Variants in CELSR1 observed in about 807,000 individuals in gnomAD.
CELSR1 encodes adhesion G protein-coupled receptor C1.
CELSR1 carries 110 observed loss-of-function variants against 249.1 expected under a neutral mutation model. The observed-to-expected ratio is 0.44, with a 90% confidence interval of 0.38 to 0.52. The LOEUF (loss-of-function observed/expected upper bound fraction) is 0.52, where lower values mean the gene tolerates loss of function less well. CELSR1 is among the 20% of genes least tolerant of loss of function. The probability of loss-of-function intolerance (pLI) is 0.00; values close to 1 mark genes in which losing one functional copy is unlikely to be tolerated. For synonymous variants in CELSR1, 2,113 were observed against 1,900.0 expected (o/e 1.11, Z -2.92); for missense variants, 4,109 against 4,296.4 (o/e 0.96, Z 1.22).
chr22:46,487,547 AC>A (rs1339427266), intron 1 of CELSR1, among the ~76,000 whole-genome samples: 32 of 61,956 alleles, frequency 5.2e-4, no homozygotes, highest in South Asian at 1.6e-3. Context: ...AGGGGAGTCC[AC>A]GGTGCAGTGC....
rs1160646850 is a variant in CELSR1, at chr22:46,526,338, G to A, written c.3544+7289C>T. 6.6e-6 allele frequency among the ~76,000 whole-genome samples: 1 copy of A among 152,212 alleles called. No homozygotes were observed. The highest frequency in any genetic ancestry group is 1.5e-5 in the Non-Finnish European group (1 of 68,040). The stretch of plus-strand genomic sequence containing the variant: ...CTGAGACGGGCCAGTGCCACGCTAG[G>A]CTGCAGGACAGCTAGGTGCTGTGCG... On this transcript the variant is annotated intron_variant, in intron 1 of 34. Coordinates refer to ENST00000674500, the MANE Select transcript of CELSR1 (RefSeq NM_001378328.1). The surrounding 1 kb of genome is among the most constrained non-coding windows in gnomAD (Gnocchi z 4.7).
intron 1 of CELSR1, among the ~76,000 whole-genome samples, chr22:46,492,299 T>C (rs1012115162): frequency 6.6e-6 from 1 of 152,218 alleles, no homozygotes; most frequent in Non-Finnish European, 1.5e-5. Flanking sequence ...CTTTAAAATA[T>C]GTCAGCCCTC....
chr22:46,416,575 C>T (rs1193545799), intron 5 of CELSR1, among the ~76,000 whole-genome samples: 1 of 152,218 alleles, frequency 6.6e-6, no homozygotes, highest in Non-Finnish European at 1.5e-5. Context: ...AGCACAGGCT[C>T]CCTGGGGCAG....
chr22:46,391,900 G>A lies in CELSR1; in HGVS notation c.5965-84C>T. ...CAGCGTGTTTCCCGAGCGACGTCCAGACTCCCACCCGGGTGTGTGTGTTGG... is the reference window on the plus strand; with the variant it reads ...CAGCGTGTTTCCCGAGCGACGTCCAAACTCCCACCCGGGTGTGTGTGTTGG... On this transcript the variant is annotated intron_variant, in intron 14 of 34. Coordinates refer to ENST00000674500, the MANE Select transcript of CELSR1 (RefSeq NM_001378328.1). The surrounding 1 kb of genome is among the most constrained non-coding windows in gnomAD (Gnocchi z 4.3). 7.1e-7 allele frequency: 1 copy of A among 1,417,548 alleles called. No individual in the cohort carries two copies. Among genetic ancestry groups the A allele is most frequent in the Non-Finnish European group, 9.6e-7 (1 of 1,045,860 alleles). 87.8% of individuals were successfully genotyped at this position (1,417,548 alleles called of 1,614,324 possible). A position where few individuals can be genotyped will look rare whatever the true frequency, so the allele number is the denominator to read the frequency against.
At chr22:46,477,448 G>A (rs3788708) in intron 1 of CELSR1, among the ~76,000 whole-genome samples, 21,281 of 151,752 alleles carry the variant, frequency 0.14, 1,574 homozygotes, top group Admixed American at 0.22. Flanking sequence ...GGAGTGCCGG[G>A]AACTCCTGTG....
At chr22:46,394,342 G>A (rs2079126458) in intron 13 of CELSR1, 80 bp from the exon 14 acceptor site, 2 of 1,501,384 alleles carry the variant, frequency 1.3e-6, no homozygotes, top group Non-Finnish European at 1.8e-6. Context: ...CAGGCAGCAT[G>A]GAGATGGTTG....
In CELSR1 at chr22:46,398,815, T is replaced by G. The variant is rs898080032; in HGVS notation, c.5413-178A>C. ...CCCAGCTGGACAGCGAGGCTGGCTGTGATGACCAGGGCGAGGGGACCAGGC... is the reference window on the plus strand; with the variant it reads ...CCCAGCTGGACAGCGAGGCTGGCTGGGATGACCAGGGCGAGGGGACCAGGC... On this transcript the variant is annotated intron_variant, in intron 10 of 34. Transcript: ENST00000674500. The surrounding 1 kb of genome is among the most constrained non-coding windows in gnomAD (Gnocchi z 7.2). Among the ~76,000 whole-genome samples, 18 of 152,286 alleles carry G rather than the reference T, an allele frequency of 1.2e-4. No homozygotes were observed. The highest frequency in any genetic ancestry group is 4.3e-4 in the African/African-American group (18 of 41,570).
intron 5 of CELSR1, among the ~76,000 whole-genome samples, chr22:46,424,690 A>G (rs1342651122): frequency 6.6e-6 from 1 of 152,176 alleles, no homozygotes; most frequent in Admixed American, 6.5e-5. Context: ...AATGTCATAA[A>G]TGCCAGGTGC....
Position 46,535,267 on chromosome 22 carries a change from C to A in CELSR1, c.1904G>T (p.Ser635Ile). Residue 635 changes from serine (S) to isoleucine (I), a missense_variant, in exon 1 of 35, where the codon AGC becomes ATC. Around this residue, in one of 7 missense-constraint regions of CELSR1, gnomAD observed 886 missense variants for 896.5 expected, o/e 0.99. Transcript: ENST00000674500. ...TPDFPFQIHNSSGWITVCAEL... is the reference protein window; with the variant it reads ...TPDFPFQIHNISGWITVCAEL... ...GGCACACACTGTGATCCAACCGGAGCTGTTGTGGATCTGGAAGGGGAAGTC... is the reference window on the plus strand; with the variant it reads ...GGCACACACTGTGATCCAACCGGAGATGTTGTGGATCTGGAAGGGGAAGTC... 1 of 1,610,476 alleles carries A rather than the reference C, an allele frequency of 6.2e-7. No homozygotes were observed. The highest frequency in any genetic ancestry group is 8.5e-7 in the Non-Finnish European group (1 of 1,180,004).
intron 1 of CELSR1, among the ~76,000 whole-genome samples, chr22:46,524,334 A>C (rs1432483434): frequency 6.6e-6 from 1 of 152,204 alleles, no homozygotes; most frequent in African/African-American, 2.4e-5. Context: ...CCTCCTTGCT[A>C]CATGATTCCC....
chr22:46,534,628 A>G lies in CELSR1; in HGVS notation c.2543T>C (p.Met848Thr), dbSNP rs2080830002. 1 of 1,613,794 alleles carries G rather than the reference A, an allele frequency of 6.2e-7. No individual in the cohort carries two copies. Among genetic ancestry groups the G allele is most frequent in the African/African-American group, 1.3e-5 (1 of 74,910 alleles). ...DPDSGTMYTM[M>T]ELDYENQVAY... is the part of the protein sequence containing the mutation. ...GACCTGGTTCTCATAGTCCAGCTCCATCATGGTGTACATGGTGCCACTGTC... is the reference window on the plus strand; with the variant it reads ...GACCTGGTTCTCATAGTCCAGCTCCGTCATGGTGTACATGGTGCCACTGTC... Residue 848 changes from methionine (M) to threonine (T), a missense_variant, in exon 1 of 35, where the codon ATG becomes ACG. Physicochemically the swap from Met to Thr is moderately conservative, Grantham distance 81. Transcript: ENST00000674500. This position sits in a 1 kb window ranked among gnomAD's most constrained non-coding sequence, Gnocchi z 9.7.
Position 46,391,699 on chromosome 22 carries a change from C to T in CELSR1, c.6082G>A (p.Val2028Ile), listed in dbSNP as rs201183376. 4.3e-5 allele frequency: 70 copies of T among 1,610,552 alleles called. No homozygotes were observed. Among genetic ancestry groups the T allele is most frequent in the South Asian group, 2.5e-4 (23 of 90,706 alleles). The change falls in exon 15 of 35, where the codon GTC becomes ATC. Residue 2028 changes from valine to isoleucine, a missense_variant. This residue lies in a region of CELSR1 where 1,805 missense variants were observed against 1,831.6 expected (regional missense o/e 0.99). Transcript: ENST00000674500. The surrounding 1 kb of genome is among the most constrained non-coding windows in gnomAD (Gnocchi z 4.3). ...CAGCGGTTGCACTGGCGGCCGATGA[C>T]GCCGGGCTTGCAGGCACACTGCCCG... The part of the protein sequence containing the change: ...ATGQCACKPG[V>I]IGRQCNRCDN...
At chr22:46,397,987 G>A (rs2079169456) in intron 11 of CELSR1, 139 bp from the exon 12 acceptor site, 2 of 794,822 alleles carry the variant, frequency 2.5e-6, no homozygotes, top group African/African-American at 1.8e-5. Flanking sequence ...GGGCGGGCAG[G>A]GTTGTTCCTC....
rs1292912040 is a variant in CELSR1 at position 46,362,209 on chromosome 22, T to A, written c.*1014A>T. 6.6e-6 allele frequency: 1 copy of A among 152,270 alleles called. No individual in the cohort carries two copies. Among genetic ancestry groups the A allele is most frequent in the Non-Finnish European group, 1.5e-5 (1 of 68,060 alleles). 9.4% of individuals were successfully genotyped at this position (152,270 alleles called of 1,614,324 possible). The stretch of plus-strand genomic sequence containing the variant: ...AGCAAAGGACAAAGCCATCCCCACC[T>A]GCAGCTCCCGGGCCACCTGGGAGGC... On this transcript the variant is annotated 3_prime_UTR_variant, in exon 35 of 35. Transcript: ENST00000674500.
In CELSR1 at chr22:46,395,470, A is replaced by G. The variant is rs954424972; in HGVS notation, c.5843+1135T>C. The stretch of plus-strand genomic sequence containing the variant: ...TTGGCTCTGTTGCTTTCGCTCCCAG[A>G]ATGCCCTCCCGCTTCAGCCACACTG... On this transcript the variant is annotated intron_variant, in intron 13 of 34. Transcript: ENST00000674500. The surrounding 1 kb of genome is among the most constrained non-coding windows in gnomAD (Gnocchi z 5.5). 6.6e-6 allele frequency among the ~76,000 whole-genome samples: 1 copy of G among 151,786 alleles called. No homozygotes were observed. Among genetic ancestry groups the G allele is most frequent in the African/African-American group, 2.4e-5 (1 of 41,310 alleles).
At position 46,536,780 on chromosome 22, in the gene CELSR1, G is replaced by A; in HGVS notation, c.391C>T (p.Leu131Phe). Residue 131 changes from leucine (L) to phenylalanine (F), a missense_variant, in exon 1 of 35, where the codon CTC (leucine) becomes TTC (phenylalanine). Around this residue, in one of 7 missense-constraint regions of CELSR1, gnomAD observed 673 missense variants for 636.8 expected, o/e 1.06. Transcript: ENST00000674500. The part of the protein sequence containing the change: ...CGTGARLCGA[L>F]CFPVPGGCAA... ...CAGCCGCCGGGGACGGGGAAGCAGA[G>A]CGCCCCGCAGAGCCGGGCACCGGTT... 1 of 1,185,632 alleles carries A rather than the reference G, an allele frequency of 8.4e-7. No homozygotes were observed. Among genetic ancestry groups the A allele is most frequent in the South Asian group, 3.6e-5 (1 of 27,428 alleles). The allele number at this position is 1,185,632 out of a possible 1,614,324, so 73.4% of individuals were successfully genotyped here.
chr22:46,535,524 C>T lies in CELSR1; in HGVS notation c.1647G>A (p.Gly549=). 2 of 1,613,246 alleles carry T rather than the reference C, an allele frequency of 1.2e-6. No individual in the cohort carries two copies. Among genetic ancestry groups the T allele is most frequent in the Non-Finnish European group, 8.5e-7 (1 of 1,179,996 alleles). ...CATCCAGCACCTGCACAGACACCAC[C>T]CCTGAAGAATTGATGAGCGGGGGCC... ...GGRPPLINSS[G]VVSVQVLDVN... is the part of the protein sequence containing the mutation. Residue 549 remains glycine, a synonymous_variant, in exon 1 of 35, where the codon GGG becomes GGA. Coordinates refer to ENST00000674500, the MANE Select transcript of CELSR1 (RefSeq NM_001378328.1).
chr22:46,493,837 G>A (rs2080390237), intron 1 of CELSR1, among the ~76,000 whole-genome samples: 1 of 152,086 alleles, frequency 6.6e-6, no homozygotes, highest in Non-Finnish European at 1.5e-5. Flanking sequence ...CCATGATTGT[G>A]AGGCCTCCCC....
chr22:46,509,709 G>A (rs1410770585), intron 1 of CELSR1, among the ~76,000 whole-genome samples: 1 of 152,176 alleles, frequency 6.6e-6, no homozygotes, highest in Non-Finnish European at 1.5e-5. Flanking sequence ...GGAGTGAGGT[G>A]GCGGGGTCTG....
Sources: allele counts gnomAD v4.1 joint callset (sites outside exome capture counted in the v4.1 genomes callset), GRCh38; gene constraint gnomAD v4.1.1; regional missense constraint gnomAD v4.1.1; non-coding constraint Gnocchi (gnomAD v3.1); transcripts MANE v1.5; gene names NCBI Gene and HGNC (gene_info 2026-07-23, HGNC 2026-07-21).